The following AP3B1 variants were observed in gnomAD, a reference collection of about 807,000 sequenced individuals.
AP3B1 encodes the protein AP-3 complex subunit beta-1.
A neutral mutation model predicts 132.5 loss-of-function variants in AP3B1; 61 were observed. The observed-to-expected ratio is 0.46, with a 90% confidence interval of 0.37 to 0.57. The LOEUF is 0.57. AP3B1 is among the 20% of genes least tolerant of loss of function. The pLI, the probability that AP3B1 is intolerant of heterozygous loss-of-function variation, is 0.00. For synonymous variants in AP3B1, 388 were observed against 438.3 expected (o/e 0.89, Z 1.43); for missense variants, 1,120 against 1,289.4 (o/e 0.87, Z 2.01).
intron 17 of AP3B1, among the ~76,000 whole-genome samples, chr5:78,118,618 G>A (rs140919278): frequency 6.6e-6 from 1 of 151,770 alleles, no homozygotes; most frequent in African/African-American, 2.4e-5. Context: ...CGGCAGTGAG[G>A]CTGGGGGAGG....
At chr5:78,228,017 G>T in intron 4 of AP3B1, 127 bp downstream of exon 4, 1 of 593,470 alleles carries the variant, frequency 1.7e-6, no homozygotes, top group Non-Finnish European at 2.9e-6. Context: ...AGGCACTATA[G>T]GAGGCTTTTA....
chr5:78,209,204 A>G lies in AP3B1; in HGVS notation c.786+6851T>C, dbSNP rs1342308515. On this transcript the variant is annotated intron_variant, in intron 7 of 26. Coordinates refer to ENST00000255194, the MANE Select transcript of AP3B1 (RefSeq NM_003664.5). The stretch of plus-strand genomic sequence containing the variant: ...AAGTTAACCTGAAAAACTAGTTCAG[A>G]CCATGATAGGAAGGGTGGGTCAGAC... Among the ~76,000 whole-genome samples, 4 of 152,262 alleles carry G rather than the reference A, an allele frequency of 2.6e-5. No homozygotes were observed. In the South Asian group the frequency reaches 8.3e-4, roughly 32 times the overall value.
intron 1 of AP3B1, among the ~76,000 whole-genome samples, chr5:78,281,825 T>C (rs1168432883): frequency 6.6e-6 from 1 of 152,114 alleles, no homozygotes; most frequent in Non-Finnish European, 1.5e-5. Flanking sequence ...GTGGTAACGA[T>C]TGCCTAACAA....
intron 3 of AP3B1, among the ~76,000 whole-genome samples, chr5:78,237,463 C>A (rs564903191): frequency 6.7e-6 from 1 of 149,250 alleles, no homozygotes; most frequent in Non-Finnish European, 1.5e-5. Flanking sequence ...CACTACAGTT[C>A]CCCCCCAAAA....
chr5:78,179,638 C>T (rs1458199840), intron 8 of AP3B1, among the ~76,000 whole-genome samples: 1 of 152,150 alleles, frequency 6.6e-6, no homozygotes, highest in Non-Finnish European at 1.5e-5. Flanking sequence ...ACCATTCATG[C>T]CGCTGTCACC....
intron 15 of AP3B1, among the ~76,000 whole-genome samples, chr5:78,135,112 C>T (rs143353934): frequency 1.3e-5 from 2 of 152,192 alleles, no homozygotes; most frequent in East Asian, 3.9e-4. Flanking sequence ...ACCTGAATCA[C>T]GGGCAAGAGA....
chr5:78,199,673 G>A (rs1389125263), intron 7 of AP3B1, among the ~76,000 whole-genome samples: 1 of 151,998 alleles, frequency 6.6e-6, no homozygotes, highest in Non-Finnish European at 1.5e-5. Context: ...TTAAAGCAGA[G>A]GTTTTACAAT....
intron 7 of AP3B1, among the ~76,000 whole-genome samples, chr5:78,205,713 G>C (rs1453614821): frequency 6.6e-6 from 1 of 152,052 alleles, no homozygotes; most frequent in Non-Finnish European, 1.5e-5. Context: ...CATGTCAAAT[G>C]GATAACTAAC....
intron 6 of AP3B1, among the ~76,000 whole-genome samples, chr5:78,218,393 T>C (rs1191977016): frequency 1.3e-5 from 2 of 152,140 alleles, no homozygotes; most frequent in Non-Finnish European, 2.9e-5. Context: ...AATGAGCTCA[T>C]CAAATTCAAA....
chr5:78,068,912 T>C (rs1462587637), intron 22 of AP3B1, among the ~76,000 whole-genome samples: 2 of 152,132 alleles, frequency 1.3e-5, no homozygotes, highest in Non-Finnish European at 2.9e-5. Context: ...CCCACCATGA[T>C]TAAGTCAGCT....
intron 7 of AP3B1, among the ~76,000 whole-genome samples, chr5:78,194,729 A>G (rs1473138594): frequency 1.3e-5 from 2 of 152,228 alleles, no homozygotes; most frequent in Non-Finnish European, 2.9e-5. Context: ...TGACTATGCT[A>G]AATCATGTGA....
At chr5:78,129,398 G>T in intron 15 of AP3B1, 91 bp from the exon 16 acceptor site, 3 of 1,082,512 alleles carry the variant, frequency 2.8e-6, no homozygotes, top group Non-Finnish European at 4.2e-6. Context: ...TAATAAAAAT[G>T]AATGGTTATG....
chr5:78,193,732 G>GTGTATATATATATATATATATATC lies in AP3B1; in HGVS notation c.787-12071_787-12070insGATATATATATATATATATATACA, dbSNP rs1340871803. Among the ~76,000 whole-genome samples the GTGTATATATATATATATATATATC allele has an allele frequency of 7.8e-5, 7 of 89,224 alleles. No individual in the cohort carries two copies. In the East Asian group the frequency reaches 1.3e-3, roughly 16 times the overall value. 58.5% of individuals were successfully genotyped at this position (89,224 alleles called of 152,430 possible). On this transcript the variant is annotated intron_variant, in intron 7 of 26. Coordinates refer to ENST00000255194, the MANE Select transcript of AP3B1 (RefSeq NM_003664.5). ...TATATTTACATATTTTTAAATATTT[G>GTGTATATATATATATATATATATC]TATATATTTTTTTATATATATATAT...
In AP3B1 at chr5:78,190,400, G is replaced by T. The variant is rs368737167; in HGVS notation, c.787-8738C>A. ...AAAAATTGACAAGTGAAGGGTGGAC[G>T]TTTTTATGAGGTTAATGAAATGAAG... On this transcript the variant is annotated intron_variant, in intron 7 of 26. Coordinates refer to ENST00000255194, the MANE Select transcript of AP3B1 (RefSeq NM_003664.5). Among the ~76,000 whole-genome samples the T allele has an allele frequency of 4.8e-4, 73 of 152,248 alleles. 1 individual carries two copies. In the South Asian group the frequency reaches 0.015, roughly 31 times the overall value.
chr5:78,142,508 G>A (rs778695560), intron 14 of AP3B1, among the ~76,000 whole-genome samples: 9 of 152,086 alleles, frequency 5.9e-5, no homozygotes, highest in Admixed American at 1.3e-4. Flanking sequence ...GTAGTTTCAT[G>A]GCTATACATA....
intron 15 of AP3B1, 123 bp from the exon 16 acceptor site, chr5:78,129,430 G>A: frequency 1.2e-6 from 1 of 856,052 alleles, no homozygotes; most frequent in South Asian, 1.4e-5. Context: ...TTGTTCCATA[G>A]GGAATACACA....
intron 17 of AP3B1, chr5:78,121,973 C>T (rs1016274402): frequency 3.3e-5 from 5 of 152,244 alleles, no homozygotes; most frequent in Non-Finnish European, 7.3e-5. Context: ...CCGAATCCAG[C>T]AGCACATCAA....
chr5:78,209,898 G>A (rs1285896115), intron 7 of AP3B1, among the ~76,000 whole-genome samples: 3 of 151,700 alleles, frequency 2.0e-5, no homozygotes, highest in Non-Finnish European at 4.4e-5. Context: ...AACTTCATGA[G>A]TTAAAAAAAA....
intron 20 of AP3B1, among the ~76,000 whole-genome samples, chr5:78,107,049 A>G (rs1751367944): frequency 6.6e-6 from 1 of 152,198 alleles, no homozygotes; most frequent in African/African-American, 2.4e-5. Context: ...AGAGGGAAAA[A>G]AGAAGATTAA....
Sources: gnomAD v4.1 joint callset for allele counts (sites outside exome capture counted in the v4.1 genomes callset) on GRCh38, gnomAD v4.1.1 for gene constraint, MANE v1.5 for transcripts, NCBI Gene and HGNC (gene_info 2026-07-23, HGNC 2026-07-21) for gene names.